Variants in MYO16 observed in about 807,000 individuals in gnomAD.
MYO16 encodes the protein unconventional myosin-XVI.
MYO16 carries 94 observed loss-of-function variants against 205.3 expected under a neutral mutation model. The observed-to-expected ratio is 0.46, with a 90% CI of 0.39 to 0.54. MYO16 has a LOEUF of 0.54. MYO16 is among the 20% of genes least tolerant of loss of function. The probability of loss-of-function intolerance (pLI) is 0.00; values close to 1 mark genes in which losing one functional copy is unlikely to be tolerated. For missense variants in MYO16, 2,315 were observed against 2,387.5 expected (o/e 0.97, Z 0.63); for synonymous variants, 988 against 954.0 (o/e 1.04, Z -0.66).
At chr13:108,730,778 T>C (rs747115765) in intron 4 of MYO16, among the ~76,000 whole-genome samples, 2 of 152,290 alleles carry the variant, frequency 1.3e-5, no homozygotes, top group Non-Finnish European at 2.9e-5. Context: ...TATATTGTTG[T>C]CCTAACTAGG....
At chr13:109,191,309 A>C (rs1391679480) in intron 34 of MYO16, among the ~76,000 whole-genome samples, 1 of 152,176 alleles carries the variant, frequency 6.6e-6, no homozygotes, top group African/African-American at 2.4e-5. Context: ...AAGTCTAGGC[A>C]CGTGGGATAC....
intron 32 of MYO16, among the ~76,000 whole-genome samples, chr13:109,151,998 C>T (rs1443308832): frequency 2.0e-5 from 3 of 152,178 alleles, no homozygotes; most frequent in East Asian, 3.9e-4. Flanking sequence ...TGCAAACAAC[C>T]AACTTAAAGT....
Position 109,119,536 on chromosome 13 carries a change from C to A in MYO16, c.3439-834C>A, listed in dbSNP as rs564843526. 7.2e-4 allele frequency among the ~76,000 whole-genome samples: 109 copies of A among 152,294 alleles called. 1 individual carries two copies. The South Asian group carries it at 0.021, about 29-fold the overall frequency. ...TCTATGTGAGGGGTATTCCTCACAC[C>A]TACCTCGGTTCTGTGAATTCTTCAA... On this transcript the variant is annotated intron_variant, in intron 28 of 34. Transcript: ENST00000457511.
chr13:108,547,852 C>T, the MYO16 span, among the ~76,000 whole-genome samples: 4 of 152,150 alleles, frequency 2.6e-5, no homozygotes, highest in Admixed American at 2.0e-4. Context: ...TCCCTATTCT[C>T]TTATTCTAAT....
chr13:108,969,079 C>G (rs2139384029), intron 20 of MYO16, among the ~76,000 whole-genome samples: 1 of 152,214 alleles, frequency 6.6e-6, no homozygotes, highest in African/African-American at 2.4e-5. Context: ...TTTGAGACTC[C>G]CATTTTGAGT....
At chr13:109,096,695 C>T (rs938133545) in intron 27 of MYO16, among the ~76,000 whole-genome samples, 3 of 149,610 alleles carry the variant, frequency 2.0e-5, no homozygotes, top group Admixed American at 6.8e-5. Context: ...TTGCTACATT[C>T]GAAGGCAAGC....
intron 15 of MYO16, among the ~76,000 whole-genome samples, chr13:108,906,171 A>G (rs1474053510): frequency 6.6e-6 from 1 of 152,054 alleles, no homozygotes; most frequent in Non-Finnish European, 1.5e-5. Flanking sequence ...TTTTATTTCA[A>G]GTCTTAGGTT....
At chr13:108,888,292 A>C (rs979314010) in intron 13 of MYO16, 80 bp from the exon 14 acceptor site, 1 of 949,132 alleles carries the variant, frequency 1.1e-6, no homozygotes, top group Admixed American at 2.7e-5. Context: ...GTTCCTTCAA[A>C]GTAGTTTCAA....
At chr13:108,705,210 T>A (rs1229119427) in intron 2 of MYO16, among the ~76,000 whole-genome samples, 2 of 152,214 alleles carry the variant, frequency 1.3e-5, no homozygotes, top group Non-Finnish European at 2.9e-5. Context: ...ATCAACTCTT[T>A]GTCCAGCATA....
chr13:109,119,939 A>G (rs2139759476), intron 28 of MYO16, among the ~76,000 whole-genome samples: 1 of 152,336 alleles, frequency 6.6e-6, no homozygotes, highest in Admixed American at 6.5e-5. Flanking sequence ...AATTTTATGC[A>G]TCAGCTTTAT....
intron 2 of MYO16, among the ~76,000 whole-genome samples, chr13:108,679,994 C>G (rs1391374507): frequency 6.6e-6 from 1 of 152,156 alleles, no homozygotes; most frequent in Non-Finnish European, 1.5e-5. Context: ...ACTTGCAGCT[C>G]TTTCTGTGTA....
At chr13:108,767,028 G>A (rs1033580554) in intron 4 of MYO16, among the ~76,000 whole-genome samples, 4 of 152,164 alleles carry the variant, frequency 2.6e-5, no homozygotes, top group African/African-American at 9.7e-5. Flanking sequence ...AGAGGTACCT[G>A]CAGGTTTCTA....
intron 4 of MYO16, among the ~76,000 whole-genome samples, chr13:108,764,147 G>A (rs1192239348): frequency 1.3e-5 from 2 of 152,060 alleles, no homozygotes; most frequent in Admixed American, 1.3e-4. Context: ...GCACAAACAT[G>A]AAGACAGATT....
chr13:108,856,370 A>G lies in MYO16; in HGVS notation c.1359+817A>G, dbSNP rs185101910. Reference sequence around the variant, plus strand: ...GAACTGATTAAGTAATTTTCATGTAAATGTGAAGTCTGAGATTTCCTTACA... The same window carrying G: ...GAACTGATTAAGTAATTTTCATGTAGATGTGAAGTCTGAGATTTCCTTACA... On this transcript the variant is annotated intron_variant, in intron 11 of 34. Coordinates refer to ENST00000457511, the MANE Select transcript of MYO16 (RefSeq NM_001198950.3). Among the ~76,000 whole-genome samples the G allele has an allele frequency of 2.8e-3, 429 of 152,280 alleles. 8 individuals carry two copies. The highest frequency in any genetic ancestry group is 2.4e-3 in the Non-Finnish European group (162 of 68,022).
At chr13:109,144,499 C>T (rs542437983) in intron 32 of MYO16, among the ~76,000 whole-genome samples, 22 of 152,318 alleles carry the variant, frequency 1.4e-4, no homozygotes, top group African/African-American at 5.3e-4. Flanking sequence ...TTAAAGTTTA[C>T]ACAGTTTGAT....
intron 16 of MYO16, among the ~76,000 whole-genome samples, chr13:108,927,157 A>G (rs1882045556): frequency 6.6e-6 from 1 of 152,186 alleles, no homozygotes; most frequent in Non-Finnish European, 1.5e-5. Flanking sequence ...AGATGAAGAT[A>G]TAGCACAGGA....
At chr13:108,708,400 A>G (rs981500089) in intron 2 of MYO16, among the ~76,000 whole-genome samples, 7 of 152,238 alleles carry the variant, frequency 4.6e-5, no homozygotes, top group African/African-American at 1.7e-4. Flanking sequence ...TCAGGAGGAA[A>G]AAAATGACAC....
chr13:108,891,526 C>T (rs187719819), intron 14 of MYO16, among the ~76,000 whole-genome samples: 2 of 152,268 alleles, frequency 1.3e-5, no homozygotes, highest in South Asian at 2.1e-4. Flanking sequence ...AAATAATGTA[C>T]ATATGTGCTA....
chr13:109,098,109 G>A (rs940492660), intron 27 of MYO16, among the ~76,000 whole-genome samples: 1 of 30,910 alleles, frequency 3.2e-5, no homozygotes, highest in Non-Finnish European at 7.6e-5. Flanking sequence ...AGCAAATTCA[G>A]TATTCAGTGG....
Sources: gnomAD v4.1 joint callset for allele counts (sites outside exome capture counted in the v4.1 genomes callset) on GRCh38, gnomAD v4.1.1 for gene constraint, MANE v1.5 for transcripts, NCBI Gene and HGNC (gene_info 2026-07-23, HGNC 2026-07-21) for gene names.